CNOT7: variants seen among roughly 807,000 people sequenced by gnomAD.
The protein encoded by CNOT7 is BTG1-binding factor 1.
Under a neutral mutation model 37.1 loss-of-function variants are expected in CNOT7, and 4 were observed. The observed-to-expected ratio is 0.11, with a 90% CI of 0.05 to 0.25. The LOEUF (loss-of-function observed/expected upper bound fraction) is 0.25. Among genes scored for constraint, CNOT7 ranks in the 10% least tolerant of loss-of-function variants. The pLI, the probability that CNOT7 is intolerant of heterozygous loss-of-function variation, is 1.00. For missense variants in CNOT7, 170 were observed against 336.2 expected, an observed-to-expected ratio of 0.51 and a Z score of 3.87; for synonymous variants, 128 against 115.6, an observed-to-expected ratio of 1.11 and a Z score of -0.69.
intron 3 of CNOT7, among the ~76,000 whole-genome samples, chr8:17,241,030 T>C (rs1004015272): frequency 1.3e-5 from 2 of 152,124 alleles, no homozygotes; most frequent in Admixed American, 1.3e-4. Flanking sequence ...GTTGGACAAG[T>C]TTACTTTACA....
In CNOT7 at chr8:17,234,461, G is replaced by A. The variant is rs1279253284; in HGVS notation, c.618+255C>T. 6.6e-5 allele frequency: 28 copies of A among 424,014 alleles called. No individual in the cohort carries two copies. The Admixed American group carries it at 1.1e-3, about 16-fold the overall frequency. The allele number at this position is 424,014 out of a possible 1,614,324, so 26.3% of individuals were successfully genotyped here. A position where few individuals can be genotyped will look rare whatever the true frequency, so the allele number is the denominator to read the frequency against. ...TGGTTTGTGATTTTCAATCTGGCAA[G>A]CAGTGACAAGAACCGGACCTAAGCC... On this transcript the variant is annotated intron_variant, in intron 5 of 6. Coordinates refer to ENST00000361272, the MANE Select transcript of CNOT7 (RefSeq NM_013354.7).
In CNOT7 at chr8:17,230,544, TTTTA is replaced by T; in HGVS notation, c.*172_*175del. The stretch of plus-strand genomic sequence containing the variant: ...AACCTGAATGCGTTTTTTTTTTTCT[TTTTA>T]TTAAGATCTGAGATAGGAACGGTCA... On this transcript the variant is annotated 3_prime_UTR_variant, in exon 7 of 7. Transcript: ENST00000361272. 2.4e-6 allele frequency: 1 copy of T among 413,178 alleles called. No individual in the cohort carries two copies. The highest frequency in any genetic ancestry group is 3.9e-5 in the East Asian group (1 of 25,774). The allele number at this position is 413,178 out of a possible 1,614,324, so 25.6% of individuals were successfully genotyped here. A position where few individuals can be genotyped will look rare whatever the true frequency, so the allele number is the denominator to read the frequency against.
At chr8:17,242,250 T>C (rs1810281209) in intron 3 of CNOT7, 1 of 152,202 alleles carries the variant, frequency 6.6e-6, no homozygotes, top group South Asian at 2.1e-4. Flanking sequence ...TTGAAGAAAA[T>C]GTCATTTGAG....
rs1333121733 is a variant in CNOT7, at chr8:17,229,763, C to CGA, written c.*956_*957insTC. 1 of 150,480 alleles carries CGA rather than the reference C, an allele frequency of 6.6e-6. No individual in the cohort carries two copies. Among genetic ancestry groups the CGA allele is most frequent in the African/African-American group, 2.5e-5 (1 of 40,756 alleles). The allele number at this position is 150,480 out of a possible 1,614,324, so 9.3% of individuals were successfully genotyped here. A position where few individuals can be genotyped will look rare whatever the true frequency, so the allele number is the denominator to read the frequency against. ...ATTTGGTACAAAATATACCTAAAGA[C>CGA]TTATCTTTGGATTTTTAATAAAATT... On this transcript the variant is annotated 3_prime_UTR_variant, in exon 7 of 7. Transcript: ENST00000361272.
intron 3 of CNOT7, 41 bp from the exon 4 acceptor site, chr8:17,237,414 T>C: frequency 6.3e-7 from 1 of 1,592,912 alleles, no homozygotes; most frequent in African/African-American, 1.3e-5. Context: ...AACATGCCAT[T>C]ACTTCAAACA....
chr8:17,232,031 A>T (rs529773207), intron 6 of CNOT7: 3 of 1,036,066 alleles, frequency 2.9e-6, no homozygotes, highest in South Asian at 7.0e-5. Flanking sequence ...GCTAGAATAA[A>T]CCTAATATAA....
chr8:17,244,775 T>C (rs1258083510), intron 2 of CNOT7: 1 of 345,388 alleles, frequency 2.9e-6, no homozygotes, highest in African/African-American at 2.1e-5. Flanking sequence ...CGAGCCCAAA[T>C]CCTTCCTAAC....
At chr8:17,237,583 CAG>C (rs887300929) in intron 3 of CNOT7, 14 of 524,288 alleles carry the variant, frequency 2.7e-5, no homozygotes, top group African/African-American at 1.3e-4. Flanking sequence ...AAAAATCATT[CAG>C]AGAGTCCAAA....
At position 17,225,824 on chromosome 8, in the gene CNOT7, C is replaced by G. The variant is rs938997452; in HGVS notation, c.*4896G>C. 4.0e-5 allele frequency: 6 copies of G among 151,642 alleles called. No homozygotes were observed. The highest frequency in any genetic ancestry group is 1.5e-4 in the African/African-American group (6 of 41,374). 9.4% of individuals were successfully genotyped at this position (151,642 alleles called of 1,614,324 possible). On this transcript the variant is annotated 3_prime_UTR_variant, in exon 7 of 7. Transcript: ENST00000361272. ...GCCTTCACTACAAAGCACCGACACA[C>G]AGAATAATCAGCATTTTTCCTATCC...
At chr8:17,244,098 G>A (rs907280067) in intron 2 of CNOT7, among the ~76,000 whole-genome samples, 5 of 152,186 alleles carry the variant, frequency 3.3e-5, no homozygotes, top group Non-Finnish European at 7.3e-5. Flanking sequence ...AATACTATAT[G>A]TGTTATGCTA....
In CNOT7 at chr8:17,230,590, G is replaced by T; in HGVS notation, c.*130C>A. The T allele has an allele frequency of 1.6e-6, 1 of 634,198 alleles. No homozygotes were observed. Among genetic ancestry groups the T allele is most frequent in the Non-Finnish European group, 2.5e-6 (1 of 394,448 alleles). The allele number at this position is 634,198 out of a possible 1,614,324, so 39.3% of individuals were successfully genotyped here. On this transcript the variant is annotated 3_prime_UTR_variant, in exon 7 of 7. Coordinates refer to ENST00000361272, the MANE Select transcript of CNOT7 (RefSeq NM_013354.7). ...GAACGGTCATACTTAGTACTGAAAGGCAGACAATAAAATGGGCCATGAAAG... is the reference window on the plus strand; with the variant it reads ...GAACGGTCATACTTAGTACTGAAAGTCAGACAATAAAATGGGCCATGAAAG...
chr8:17,241,980 T>C (rs996443861), intron 3 of CNOT7: 11 of 152,264 alleles, frequency 7.2e-5, no homozygotes, highest in African/African-American at 2.7e-4. Flanking sequence ...TTCTGGCAGC[T>C]CAGGGCACAA....
chr8:17,245,016 AG>A lies in CNOT7; in HGVS notation c.117+19del. 1 of 1,582,996 alleles carries A rather than the reference AG, an allele frequency of 6.3e-7. No homozygotes were observed. The highest frequency in any genetic ancestry group is 8.6e-7 in the Non-Finnish European group (1 of 1,156,668). On this transcript the variant is annotated intron_variant, in intron 2 of 6. Coordinates refer to ENST00000361272, the MANE Select transcript of CNOT7 (RefSeq NM_013354.7). ...TCCTCCTTTATATGAAGCGTTTTAA[AG>A]ATCTGCTTGTGGGCATACCATAGCA...
intron 3 of CNOT7, among the ~76,000 whole-genome samples, chr8:17,239,560 C>T (rs1049459536): frequency 3.9e-5 from 6 of 152,158 alleles, no homozygotes; most frequent in African/African-American, 7.2e-5. Context: ...AGTGGCATCT[C>T]GGCTCACTGC....
intron 3 of CNOT7, chr8:17,241,516 C>A (rs939938942): frequency 6.6e-6 from 1 of 152,126 alleles, no homozygotes; most frequent in African/African-American, 2.4e-5. Flanking sequence ...TACTAAATAT[C>A]TTTGTTTATC....
intron 4 of CNOT7, among the ~76,000 whole-genome samples, chr8:17,236,863 T>C (rs1346958379): frequency 6.6e-6 from 1 of 152,164 alleles, no homozygotes; most frequent in Non-Finnish European, 1.5e-5. Context: ...AAGTGAATGG[T>C]TTCCCCCGTA....
intron 3 of CNOT7, among the ~76,000 whole-genome samples, chr8:17,237,764 TG>T (rs1809576939): frequency 6.6e-6 from 1 of 152,262 alleles, no homozygotes; most frequent in South Asian, 2.1e-4. Context: ...TGCTCCCAGA[TG>T]GAGCTGCAGC....
chr8:17,245,312 C>T, intron 1 of CNOT7, 65 bp from the exon 2 acceptor site: 6 of 667,942 alleles, frequency 9.0e-6, no homozygotes, highest in Non-Finnish European at 1.1e-5. Flanking sequence ...AATAATTGAT[C>T]CAGCAGGAAC....
intron 6 of CNOT7, chr8:17,231,638 G>C: frequency 2.0e-6 from 2 of 985,246 alleles, no homozygotes; most frequent in Non-Finnish European, 2.4e-6. Flanking sequence ...TTTCCAAAAG[G>C]GAAAACTTAT....
Sources: gnomAD v4.1 joint callset for allele counts (sites outside exome capture counted in the v4.1 genomes callset) on GRCh38, gnomAD v4.1.1 for gene constraint, MANE v1.5 for transcripts, NCBI Gene and HGNC (gene_info 2026-07-23, HGNC 2026-07-21) for gene names.